CCNB3: variants seen among roughly 807,000 people sequenced by gnomAD.
CCNB3 encodes G2/mitotic-specific cyclin-B3.
In CCNB3, 12 loss-of-function variants were observed where a neutral mutation model predicts 68.0. That is an observed-to-expected ratio of 0.18 (90% CI 0.11 to 0.29). The LOEUF is 0.29. Ranked by LOEUF, CCNB3 falls within the 10% of genes least tolerant of loss-of-function variation. CCNB3 has a pLI of 1.00. For missense variants in CCNB3, 904 were observed against 993.1 expected, an observed-to-expected ratio of 0.91 and a Z score of 1.21; for synonymous variants, 354 against 388.9, an observed-to-expected ratio of 0.91 and a Z score of 1.06.
chrX:50,317,565 A>ATGTATGTATGTG lies in CCNB3; in HGVS notation c.3516+3622_3516+3623insGTATGTGTGTAT, dbSNP rs1326550235. Among the ~76,000 whole-genome samples, 401 of 107,560 alleles carry ATGTATGTATGTG rather than the reference A, an allele frequency of 3.7e-3. 3 individuals carry two copies. The highest frequency in any genetic ancestry group is 0.011 in the Admixed American group (113 of 10,035). The allele number at this position is 107,560 out of a possible 115,157, so 93.4% of individuals were successfully genotyped here. ...AATTTATGTATGTATGTATGTATGT[A>ATGTATGTATGTG]TGTATTTATTTATTTATTTATGAGA... On this transcript the variant is annotated intron_variant, in intron 8 of 12. Transcript: ENST00000376042.
At chrX:50,350,325 C>T (rs1362739907) in intron 11 of CCNB3, among the ~76,000 whole-genome samples, 2 of 111,042 alleles carry the variant, frequency 1.8e-5, no homozygotes, top group Non-Finnish European at 3.8e-5. Flanking sequence ...CCCCATTTGG[C>T]AGATTGGGAA....
At chrX:50,335,103 G>A in intron 8 of CCNB3, among the ~76,000 whole-genome samples, 1 of 111,806 alleles carries the variant, frequency 8.9e-6, no homozygotes, top group East Asian at 2.8e-4. Flanking sequence ...GGTCGTCCGT[G>A]TACTGGAGCA....
At chrX:50,292,156 A>G (rs782286435) in intron 4 of CCNB3, among the ~76,000 whole-genome samples, 1 of 111,602 alleles carries the variant, frequency 9.0e-6, no homozygotes, top group African/African-American at 3.2e-5. Context: ...TTCTAAATTT[A>G]CATTGATATA....
chrX:50,314,890 A>T, intron 8 of CCNB3, among the ~76,000 whole-genome samples: 1 of 111,624 alleles, frequency 9.0e-6, no homozygotes, highest in Non-Finnish European at 1.9e-5. Context: ...ATGAGAACAG[A>T]GAAGATGTAT....
intron 6 of CCNB3, among the ~76,000 whole-genome samples, chrX:50,312,079 A>C (rs1361159717): frequency 2.7e-5 from 3 of 110,296 alleles, no homozygotes; most frequent in Non-Finnish European, 5.7e-5. Context: ...TGTAAATTTG[A>C]ATAATGAAGG....
chrX:50,314,646 A>G lies in CCNB3; in HGVS notation c.3516+698A>G, dbSNP rs920308222. ...AGTGGTTCAGGCTCATTTTGGGGTG[A>G]CAGACCAAGGAATTGTGGTAGACAC... On this transcript the variant is annotated intron_variant, in intron 8 of 12. Coordinates refer to ENST00000376042, the MANE Select transcript of CCNB3 (RefSeq NM_033031.3). 3.6e-5 allele frequency among the ~76,000 whole-genome samples: 4 copies of G among 111,856 alleles called. No homozygotes were observed. The East Asian group carries it at 1.1e-3, about 31-fold the overall frequency.
chrX:50,222,223 T>G (rs1935685278), intron 1 of CCNB3, among the ~76,000 whole-genome samples: 1 of 111,621 alleles, frequency 9.0e-6, no homozygotes, highest in Non-Finnish European at 1.9e-5. Context: ...TTATCCACTT[T>G]GCCAATCTGT....
intron 8 of CCNB3, among the ~76,000 whole-genome samples, chrX:50,324,402 C>A (rs995097376): frequency 2.7e-5 from 3 of 112,045 alleles, no homozygotes; most frequent in Non-Finnish European, 5.6e-5. Flanking sequence ...TTGTTATTAT[C>A]ATAGATTGTA....
At chrX:50,317,695 C>G (rs1481024938) in intron 8 of CCNB3, among the ~76,000 whole-genome samples, 1 of 109,806 alleles carries the variant, frequency 9.1e-6, no homozygotes, top group Non-Finnish European at 1.9e-5. Context: ...TCAGCCTTCC[C>G]AGTAACTGGA....
rs782661313 is a variant in CCNB3, at chrX:50,311,285, G to T, written c.3116G>T (p.Cys1039Phe). Residue 1039 changes from cysteine (C) to phenylalanine (F), a missense_variant, in exon 6 of 13, where the codon TGC (cysteine) becomes TTC (phenylalanine). Physicochemically the swap from Cys to Phe is radical, Grantham distance 205. Around this residue, in one of 2 missense-constraint regions of CCNB3, gnomAD observed 285 missense variants for 383.4 expected, o/e 0.74. Coordinates refer to ENST00000376042, the MANE Select transcript of CCNB3 (RefSeq NM_033031.3). Reference sequence around the variant, plus strand: ...TTGGCCTTACAAGAGAGTCCCACCTGCAAGGAAGACACCTTTCTGGAAACA... The same window carrying T: ...TTGGCCTTACAAGAGAGTCCCACCTTCAAGGAAGACACCTTTCTGGAAACA... ...EPLALQESPT[C>F]KEDTFLETFL... The T allele has an allele frequency of 3.9e-5, 47 of 1,208,374 alleles. No homozygotes were observed. The highest frequency in any genetic ancestry group is 5.1e-5 in the Non-Finnish European group (46 of 894,409).
Position 50,294,895 on chromosome X carries a change from A to G in CCNB3, c.237A>G (p.Lys79=). 8.3e-7 allele frequency: 1 copy of G among 1,210,286 alleles called. No individual in the cohort carries two copies. ...ASQCQPVQPK[K]EANKEFVKVV... ...AATGTCAACCTGTCCAGCCCAAGAA[A>G]GAAGCCAATAAAGAGTTTGTAAAAG... The change falls in exon 5 of 13, where the codon AAA becomes AAG. Residue 79 remains lysine (K), a synonymous_variant. Coordinates refer to ENST00000376042, the MANE Select transcript of CCNB3 (RefSeq NM_033031.3).
At chrX:50,332,067 G>A (rs1557218155) in intron 8 of CCNB3, among the ~76,000 whole-genome samples, 1 of 111,625 alleles carries the variant, frequency 9.0e-6, no homozygotes, top group East Asian at 2.8e-4. Context: ...CAGTCATATA[G>A]CCTTTTTCCC....
At chrX:50,346,217 A>G (rs782569253) in intron 9 of CCNB3, among the ~76,000 whole-genome samples, 1 of 111,437 alleles carries the variant, frequency 9.0e-6, no homozygotes, top group African/African-American at 3.3e-5. Context: ...AAACATCCTT[A>G]CTCATTCCCT....
At chrX:50,221,260 T>G in intron 1 of CCNB3, among the ~76,000 whole-genome samples, 1 of 111,789 alleles carries the variant, frequency 8.9e-6, no homozygotes, top group Middle Eastern at 4.6e-3. Context: ...GGGTTTTTCA[T>G]GTGTCTGTCT....
intron 1 of CCNB3, among the ~76,000 whole-genome samples, chrX:50,218,256 C>T (rs926573308): frequency 4.5e-5 from 5 of 111,327 alleles, no homozygotes; most frequent in Non-Finnish European, 9.4e-5. Context: ...ATGGGAAGTT[C>T]ATCTATTTTA....
At chrX:50,227,342 A>AAT (rs1236752699) in intron 1 of CCNB3, among the ~76,000 whole-genome samples, 1 of 81,602 alleles carries the variant, frequency 1.2e-5, no homozygotes, top group Non-Finnish European at 2.2e-5. Flanking sequence ...ATACACACAG[A>AAT]ATATATATAT....
intron 5 of CCNB3, among the ~76,000 whole-genome samples, chrX:50,298,342 G>A (rs1307041247): frequency 6.4e-4 from 72 of 111,680 alleles, no homozygotes; most frequent in African/African-American, 2.3e-3. Flanking sequence ...TTAGCATGAA[G>A]GGTTGTTGAA....
At chrX:50,300,134 T>C (rs1557212214) in intron 5 of CCNB3, among the ~76,000 whole-genome samples, 1 of 111,712 alleles carries the variant, frequency 9.0e-6, no homozygotes, top group East Asian at 2.8e-4. Context: ...CCCATTTACA[T>C]TTAAGGTTAG....
chrX:50,304,482 C>T (rs782598569), intron 5 of CCNB3, among the ~76,000 whole-genome samples: 229 of 111,564 alleles, frequency 2.1e-3, no homozygotes, highest in African/African-American at 7.1e-3. Context: ...CCCTTCCTTA[C>T]ACCTTATACA....
Sources: gnomAD v4.1 joint callset for allele counts (sites outside exome capture counted in the v4.1 genomes callset) on GRCh38, gnomAD v4.1.1 for gene constraint, gnomAD v4.1.1 regional missense constraint, MANE v1.5 for transcripts, NCBI Gene and HGNC (gene_info 2026-07-23, HGNC 2026-07-21) for gene names.